Variants in USP34 observed in about 807,000 individuals in gnomAD.
USP34 encodes ubiquitin carboxyl-terminal hydrolase 34.
In USP34, 70 loss-of-function variants were observed where a neutral mutation model predicts 460.3. The observed-to-expected ratio is 0.15, with a 90% CI of 0.13 to 0.19. USP34 has a LOEUF of 0.19. Ranked by LOEUF, USP34 falls within the 10% of genes least tolerant of loss-of-function variation. The pLI, the probability that USP34 is intolerant of heterozygous loss-of-function variation, is 1.00. For missense variants in USP34, 3,985 were observed against 4,236.2 expected (o/e 0.94, Z 1.65); for synonymous variants, 1,647 against 1,405.3 (o/e 1.17, Z -3.85).
At chr2:61,352,310 T>TTA (rs1188626572) in intron 10 of USP34, among the ~76,000 whole-genome samples, 1 of 151,862 alleles carries the variant, frequency 6.6e-6, no homozygotes, top group Non-Finnish European at 1.5e-5. Context: ...ATATACATGT[T>TTA]TATATATATA....
At position 61,239,300 on chromosome 2, in the gene USP34, T is replaced by TCTCA. The variant is rs1213558114; in HGVS notation, c.6777+2259_6777+2260insTGAG. 1.4e-3 allele frequency among the ~76,000 whole-genome samples: 191 copies of TCTCA among 132,856 alleles called. 2 individuals are homozygous for TCTCA. The highest frequency in any genetic ancestry group is 4.3e-3 in the African/African-American group (149 of 34,884). The allele number at this position is 132,856 out of a possible 152,430, so 87.2% of individuals were successfully genotyped here. A position where few individuals can be genotyped will look rare whatever the true frequency, so the allele number is the denominator to read the frequency against. Reference sequence around the variant, plus strand: ...TTCCTCACTTTAAATGAGGGCCCTGTCACACACACACACACACACACACAC... The same window carrying TCTCA: ...TTCCTCACTTTAAATGAGGGCCCTGTCTCACACACACACACACACACACACACAC... On this transcript the variant is annotated intron_variant, in intron 53 of 79. Coordinates refer to ENST00000398571, the MANE Select transcript of USP34 (RefSeq NM_014709.4).
intron 6 of USP34, among the ~76,000 whole-genome samples, chr2:61,381,218 TAAATAAATAAA>T (rs1455241694): frequency 3.5e-5 from 4 of 113,024 alleles, no homozygotes; most frequent in African/African-American, 1.5e-4. Flanking sequence ...AAAAAAAAAA[TAAATAAATAAA>T]AAATAAACAA....
chr2:61,466,601 A>C (rs1165967031), intron 1 of USP34, among the ~76,000 whole-genome samples: 1 of 152,132 alleles, frequency 6.6e-6, no homozygotes, highest in Non-Finnish European at 1.5e-5. Context: ...ATTATTTATC[A>C]ACTAAAAATT....
At chr2:61,451,669 C>T (rs570518107) in intron 1 of USP34, among the ~76,000 whole-genome samples, 10 of 149,490 alleles carry the variant, frequency 6.7e-5, no homozygotes, top group East Asian at 5.9e-4. Context: ...GCAACAAGAG[C>T]GAAACCCCGC....
chr2:61,417,781 C>T (rs1694240896), intron 2 of USP34, among the ~76,000 whole-genome samples: 1 of 143,104 alleles, frequency 7.0e-6, no homozygotes, highest in Admixed American at 7.2e-5. Context: ...CTTGCTCTAT[C>T]CCCAGGCTGG....
chr2:61,265,552 C>T lies in USP34; in HGVS notation c.5623G>A (p.Ala1875Thr), dbSNP rs1389873759. Residue 1875 changes from alanine to threonine, a missense_variant, in exon 43 of 80, where the codon GCA becomes ACA. Physicochemically the swap from Ala to Thr is moderately conservative, Grantham distance 58 (BLOSUM62 0). Transcript: ENST00000398571. ...WVMAQHMQSHAPYKWDYWPHE... is the reference protein window; with the variant it reads ...WVMAQHMQSHTPYKWDYWPHE... ...GGCCAGTAATCCCATTTATAAGGTG[C>T]ATGGGCTGCTGAAGAAAGAGGGAGG... The T allele has an allele frequency of 9.4e-6, 15 of 1,590,702 alleles. No individual in the cohort carries two copies. The highest frequency in any genetic ancestry group is 1.2e-5 in the Non-Finnish European group (14 of 1,165,572).
At chr2:61,453,714 C>CAAAAAA (rs1169951643) in intron 1 of USP34, among the ~76,000 whole-genome samples, 1 of 31,904 alleles carries the variant, frequency 3.1e-5, no homozygotes, top group African/African-American at 9.0e-5. Flanking sequence ...CATTCCATCT[C>CAAAAAA]AAAAAAAAAA....
At chr2:61,376,316 T>TC (rs1692799057) in intron 8 of USP34, among the ~76,000 whole-genome samples, 1 of 152,224 alleles carries the variant, frequency 6.6e-6, no homozygotes, top group African/African-American at 2.4e-5. Context: ...ACACATACTC[T>TC]CCCTTGCCAT....
At position 61,348,472 on chromosome 2, in the gene USP34, C is replaced by A. The variant is rs1001394625; in HGVS notation, c.1683G>T (p.Met561Ile). 8 of 1,609,582 alleles carry A rather than the reference C, an allele frequency of 5.0e-6. No individual in the cohort carries two copies. Among genetic ancestry groups the A allele is most frequent in the Admixed American group, 3.3e-5 (2 of 59,892 alleles). ...QQRLSDTEES[M>I]QGSSDETANS... is the part of the protein sequence containing the mutation. ...TGGCAGTTTCGTCAGAACTTCCCTG[C>A]ATGGATTCCTGTATTTTGAAACAAA... is the stretch of plus-strand genomic sequence containing the variant. The change falls in exon 15 of 80, where the codon ATG (methionine) becomes ATT (isoleucine). Residue 561 changes from methionine (M) to isoleucine (I), a missense_variant. Physicochemically the swap from Met to Ile is conservative, Grantham distance 10 (BLOSUM62 1). Transcript: ENST00000398571.
chr2:61,219,905 T>C (rs1687509831), intron 67 of USP34, among the ~76,000 whole-genome samples: 1 of 152,098 alleles, frequency 6.6e-6, no homozygotes, highest in African/African-American at 2.4e-5. Flanking sequence ...TAAGATCTTT[T>C]TTACTGGCTT....
At chr2:61,395,710 C>T (rs1192282698) in intron 3 of USP34, among the ~76,000 whole-genome samples, 2 of 143,856 alleles carry the variant, frequency 1.4e-5, no homozygotes, top group Non-Finnish European at 3.0e-5. Context: ...GGCGTGAACC[C>T]GGAAGGCGGA....
intron 65 of USP34, 82 bp from the exon 66 acceptor site, chr2:61,221,688 C>T: frequency 5.6e-6 from 7 of 1,260,164 alleles, no homozygotes; most frequent in South Asian, 4.4e-5. Context: ...TATTCTACTA[C>T]ACACTATATT....
intron 10 of USP34, among the ~76,000 whole-genome samples, chr2:61,364,302 G>A (rs1206272209): frequency 6.6e-6 from 1 of 152,176 alleles, no homozygotes; most frequent in Non-Finnish European, 1.5e-5. Context: ...TTTTGAGGCT[G>A]CAGCAGTGAG....
chr2:61,462,327 T>C (rs954075770), intron 1 of USP34, among the ~76,000 whole-genome samples: 5 of 150,606 alleles, frequency 3.3e-5, no homozygotes, highest in African/African-American at 1.2e-4. Flanking sequence ...GGTGGGTGAA[T>C]CACTTGAGGC....
intron 3 of USP34, among the ~76,000 whole-genome samples, chr2:61,404,018 A>AAAAG (rs1693796478): frequency 6.8e-6 from 1 of 147,464 alleles, no homozygotes; most frequent in Non-Finnish European, 1.5e-5. Flanking sequence ...AAAAAAAAAA[A>AAAAG]GCTTTAGAAC....
intron 8 of USP34, among the ~76,000 whole-genome samples, chr2:61,376,600 G>C (rs1692805722): frequency 6.6e-6 from 1 of 152,154 alleles, no homozygotes; most frequent in Admixed American, 6.6e-5. Flanking sequence ...GGAGGGGTGA[G>C]GGGACACAGG....
At chr2:61,438,376 G>A (rs1294015328) in intron 1 of USP34, among the ~76,000 whole-genome samples, 1 of 152,158 alleles carries the variant, frequency 6.6e-6, no homozygotes, top group East Asian at 1.9e-4. Flanking sequence ...ACTTTGGGAG[G>A]CCAAGGCAGG....
At chr2:61,348,955 T>C in intron 13 of USP34, 69 bp from the exon 14 acceptor site, 1 of 1,489,204 alleles carries the variant, frequency 6.7e-7, no homozygotes, top group Non-Finnish European at 9.0e-7. Flanking sequence ...AATGACATTA[T>C]CATTTGATTC....
At position 61,419,712 on chromosome 2, in the gene USP34, A is replaced by G. The variant is rs148234666; in HGVS notation, c.131+1034T>C. Among the ~76,000 whole-genome samples, 5 of 152,280 alleles carry G rather than the reference A, an allele frequency of 3.3e-5. No homozygotes were observed. In the East Asian group the frequency reaches 9.6e-4, roughly 29 times the overall value. On this transcript the variant is annotated intron_variant, in intron 2 of 79. Coordinates refer to ENST00000398571, the MANE Select transcript of USP34 (RefSeq NM_014709.4). ...CATGTTGCCACCTAGCTGTAGTTAC[A>G]ATAATTAAAACTCAAGATTATGACT...
Sources: gnomAD v4.1 joint callset for allele counts (sites outside exome capture counted in the v4.1 genomes callset) on GRCh38, gnomAD v4.1.1 for gene constraint, MANE v1.5 for transcripts, NCBI Gene and HGNC (gene_info 2026-07-23, HGNC 2026-07-21) for gene names.